Variants in REPS1 observed in about 807,000 individuals in gnomAD.
REPS1 encodes the protein RALBP1 associated Eps domain containing 1.
A neutral mutation model predicts 100.9 loss-of-function variants in REPS1; 39 were observed. The observed-to-expected ratio is 0.39, with a 90% CI of 0.30 to 0.50. REPS1 has a LOEUF of 0.50. REPS1 is among the 20% of genes least tolerant of loss of function. The pLI, the probability that REPS1 is intolerant of heterozygous loss-of-function variation, is 0.86. For synonymous variants in REPS1, 324 were observed against 340.3 expected, an observed-to-expected ratio of 0.95 and a Z score of 0.53; for missense variants, 821 against 968.5, an observed-to-expected ratio of 0.85 and a Z score of 2.02.
intron 2 of REPS1, 108 bp from the exon 3 acceptor site, chr6:138,945,805 G>C (rs1196437140): frequency 1.1e-6 from 1 of 883,874 alleles, no homozygotes; most frequent in Non-Finnish European, 1.6e-6. Context: ...AATGGATACA[G>C]AAACAAGAGG....
intron 1 of REPS1, among the ~76,000 whole-genome samples, chr6:138,967,675 T>G (rs951704244): frequency 6.6e-6 from 1 of 152,116 alleles, no homozygotes; most frequent in Non-Finnish European, 1.5e-5. Context: ...AGGTACTTAA[T>G]GAACATATAC....
chr6:138,917,683 A>G, intron 12 of REPS1, 56 bp from the exon 13 acceptor site: 2 of 1,409,010 alleles, frequency 1.4e-6, no homozygotes, highest in Non-Finnish European at 1.0e-6. Flanking sequence ...TTTTTGCTCT[A>G]TCTACTCCAA....
chr6:138,936,623 G>T (rs1040519089), intron 8 of REPS1, among the ~76,000 whole-genome samples: 5 of 111,840 alleles, frequency 4.5e-5, no homozygotes, highest in African/African-American at 8.5e-5. Context: ...GAGTATGTTT[G>T]GGGGGGGGTA....
At chr6:138,907,920 G>A (rs1779767077) in intron 18 of REPS1, among the ~76,000 whole-genome samples, 1 of 152,076 alleles carries the variant, frequency 6.6e-6, no homozygotes, top group Non-Finnish European at 1.5e-5. Context: ...GGCTTTGTGG[G>A]CCAAAGAGTT....
chr6:138,935,691 TA>T (rs1781762523), intron 8 of REPS1, among the ~76,000 whole-genome samples: 1 of 151,784 alleles, frequency 6.6e-6, no homozygotes, highest in Non-Finnish European at 1.5e-5. Flanking sequence ...CCGTCTCTAC[TA>T]AAAATACAAA....
rs542611593 is a variant in REPS1, at chr6:138,935,864, G to T, written c.1135+5471C>A. Reference sequence around the variant, plus strand: ...GCAAGACTCCATCTTGGCGGGGGGGGGGGGCGCGGGGGAGTGGTGGCCAGG... The same window carrying T: ...GCAAGACTCCATCTTGGCGGGGGGGTGGGGCGCGGGGGAGTGGTGGCCAGG... On this transcript the variant is annotated intron_variant, in intron 8 of 19. Transcript: ENST00000450536. 4.4e-5 allele frequency among the ~76,000 whole-genome samples: 5 copies of T among 114,232 alleles called. 1 individual carries two copies. Among genetic ancestry groups the T allele is most frequent in the African/African-American group, 1.7e-4 (5 of 28,968 alleles). 74.9% of individuals were successfully genotyped at this position (114,232 alleles called of 152,430 possible).
chr6:138,982,081 A>G (rs1157374995), intron 1 of REPS1, among the ~76,000 whole-genome samples: 1 of 152,206 alleles, frequency 6.6e-6, no homozygotes, highest in African/African-American at 2.4e-5. Context: ...TTATTTCTGT[A>G]GTTTATTACA....
chr6:138,932,230 A>G (rs1781524386), intron 8 of REPS1, among the ~76,000 whole-genome samples: 1 of 152,182 alleles, frequency 6.6e-6, no homozygotes, highest in African/African-American at 2.4e-5. Flanking sequence ...TAGTCACCCA[A>G]ATAATTATAC....
At chr6:138,937,485 C>T (rs373249735) in intron 8 of REPS1, among the ~76,000 whole-genome samples, 2 of 151,986 alleles carry the variant, frequency 1.3e-5, no homozygotes, top group African/African-American at 4.8e-5. Flanking sequence ...GTAAACTCTT[C>T]ATGGAAAGTC....
intron 1 of REPS1, 140 bp downstream of exon 1, chr6:138,987,390 C>T (rs1582881022): frequency 1.1e-6 from 1 of 918,184 alleles, no homozygotes; most frequent in Middle Eastern, 3.4e-4. Context: ...CTCCCGGGCA[C>T]CTGCGGCCCC....
At chr6:138,912,703 G>T in intron 16 of REPS1, 62 bp downstream of exon 16, 1 of 1,492,378 alleles carries the variant, frequency 6.7e-7, no homozygotes, top group South Asian at 1.1e-5. Context: ...CTGCTCTGTT[G>T]ACACAACATG....
intron 1 of REPS1, among the ~76,000 whole-genome samples, chr6:138,975,223 CTTT>C (rs772921616): frequency 7.2e-5 from 11 of 152,246 alleles, no homozygotes; most frequent in Non-Finnish European, 1.3e-4. Context: ...CCCTCTGCTT[CTTT>C]ATTTCCACGT....
intron 1 of REPS1, among the ~76,000 whole-genome samples, chr6:138,958,021 T>C (rs774983650): frequency 1.3e-5 from 2 of 152,170 alleles, no homozygotes; most frequent in Non-Finnish European, 2.9e-5. Context: ...AGGCATTGGC[T>C]CACATTCTCA....
At chr6:138,948,031 A>G in intron 1 of REPS1, 118 bp from the exon 2 acceptor site, 1 of 807,366 alleles carries the variant, frequency 1.2e-6, no homozygotes, top group Non-Finnish European at 1.7e-6. Context: ...ATGGTATAAT[A>G]CTCACAACTG....
Position 138,912,747 on chromosome 6 carries a change from A to C in REPS1, c.1971+18T>G. Reference sequence around the variant, plus strand: ...AGTGACTGCCTGCAGAAAATTAGCCAAGCCCTCGAAAACTGACCGGCAGGA... The same window carrying C: ...AGTGACTGCCTGCAGAAAATTAGCCCAGCCCTCGAAAACTGACCGGCAGGA... On this transcript the variant is annotated intron_variant, in intron 16 of 19. Coordinates refer to ENST00000450536, the MANE Select transcript of REPS1 (RefSeq NM_001286611.2). The C allele has an allele frequency of 6.2e-7, 1 of 1,613,890 alleles. No homozygotes were observed. The highest frequency in any genetic ancestry group is 8.5e-7 in the Non-Finnish European group (1 of 1,179,780).
At chr6:138,932,077 T>C (rs1016376611) in intron 8 of REPS1, among the ~76,000 whole-genome samples, 1 of 152,184 alleles carries the variant, frequency 6.6e-6, no homozygotes, top group African/African-American at 2.4e-5. Context: ...TCATGATTTC[T>C]TCTACTGACA....
intron 2 of REPS1, among the ~76,000 whole-genome samples, chr6:138,946,421 C>G (rs979911550): frequency 1.3e-5 from 2 of 152,124 alleles, no homozygotes; most frequent in African/African-American, 4.8e-5. Flanking sequence ...AGAAAAAATA[C>G]AGCTACAAAA....
At position 138,987,901 on chromosome 6, in the gene REPS1, C is replaced by A. The variant is rs187862166; in HGVS notation, c.-219G>T. On this transcript the variant is annotated 5_prime_UTR_variant, in exon 1 of 20. Transcript: ENST00000450536. ...CTCGCCGCGCCGCTGCCTGCGAGGC[C>A]CGGCGCGCGGCTGCGGCTGCGGCTG... 1.4e-5 allele frequency: 6 copies of A among 414,002 alleles called. No individual in the cohort carries two copies. Among genetic ancestry groups the A allele is most frequent in the South Asian group, 1.2e-4 (1 of 8,642 alleles). 25.6% of individuals were successfully genotyped at this position (414,002 alleles called of 1,614,324 possible). A position where few individuals can be genotyped will look rare whatever the true frequency, so the allele number is the denominator to read the frequency against.
Position 138,921,123 on chromosome 6 carries a change from T to A in REPS1, c.1340A>T (p.Asp447Val). ...GGGAACTGGATGAACAATAGCAGTA[T>A]CCTAGAGACAAATGGGAGGAAATAA... Reference protein sequence around the residue: ...FDSNIAPADPDTAIVHPVPIR... With the variant: ...FDSNIAPADPVTAIVHPVPIR... The change falls in exon 11 of 20, where the codon GAT becomes GTT. Residue 447 changes from aspartate to valine, a missense_variant and splice_region_variant. By Grantham distance (152) the Asp-to-Val change is radical. This residue lies in a region of REPS1 where 757 missense variants were observed against 866.4 expected (regional missense o/e 0.87). Transcript: ENST00000450536. 6.3e-7 allele frequency: 1 copy of A among 1,583,094 alleles called. No individual in the cohort carries two copies. The highest frequency in any genetic ancestry group is 8.6e-7 in the Non-Finnish European group (1 of 1,157,096).
Sources: allele counts gnomAD v4.1 joint callset (sites outside exome capture counted in the v4.1 genomes callset), GRCh38; gene constraint gnomAD v4.1.1; regional missense constraint gnomAD v4.1.1; transcripts MANE v1.5; gene names NCBI Gene and HGNC (gene_info 2026-07-23, HGNC 2026-07-21).